Variants in MSH3 observed in about 807,000 individuals in gnomAD.
MSH3 encodes the protein DNA mismatch repair protein Msh3.
A neutral mutation model predicts 123.3 loss-of-function variants in MSH3; 106 were observed. That is an observed-to-expected ratio of 0.86 (90% CI 0.73 to 1.01). MSH3 has a LOEUF of 1.01. Ranked by LOEUF, MSH3 falls within the 50% of genes least tolerant of loss-of-function variation. The pLI, the probability that MSH3 is intolerant of heterozygous loss-of-function variation, is 0.00. For synonymous variants in MSH3, 515 were observed against 481.4 expected, an observed-to-expected ratio of 1.07 and a Z score of -0.91; for missense variants, 1,459 against 1,347.6, an observed-to-expected ratio of 1.08 and a Z score of -1.29.
intron 2 of MSH3, among the ~76,000 whole-genome samples, chr5:80,664,187 T>C (rs1483628138): frequency 1.9e-4 from 29 of 152,196 alleles, no homozygotes; most frequent in Admixed American, 1.8e-3. Flanking sequence ...GATTTTAAGC[T>C]GTGAAAATTA....
Position 80,678,979 on chromosome 5 carries a change from C to A in MSH3, c.1226C>A (p.Ala409Asp), listed in dbSNP as rs2112819022. 1 of 1,614,172 alleles carries A rather than the reference C, an allele frequency of 6.2e-7. No homozygotes were observed. The highest frequency in any genetic ancestry group is 1.1e-5 in the South Asian group (1 of 91,076). ...GTGTTTGATAGTTTCCAGGACTCTG[C>A]TTCTCGTTCAGAGCTAGAAACCCGG... ...EVVFDSFQDS[A>D]SRSELETRMS... Residue 409 changes from alanine to aspartate, a missense_variant, in exon 8 of 24, where the codon GCT (alanine) becomes GAT (aspartate). Coordinates refer to ENST00000265081, the MANE Select transcript of MSH3 (RefSeq NM_002439.5).
In MSH3 at chr5:80,665,202, T is replaced by G. The variant is rs1749541254; in HGVS notation, c.418T>G (p.Phe140Val). Residue 140 changes from phenylalanine (F) to valine (V), a missense_variant, in exon 3 of 24, where the codon TTC becomes GTC. Coordinates refer to ENST00000265081, the MANE Select transcript of MSH3 (RefSeq NM_002439.5). The part of the protein sequence containing the change: ...VSKSLEKLKE[F>V]CCDSALPQSR... ...AAAGTCTCTGGAAAAATTGAAAGAA[T>G]TCTGCTGCGATTCTGCCCTTCCTCA... 4 of 1,614,122 alleles carry G rather than the reference T, an allele frequency of 2.5e-6. No individual in the cohort carries two copies. Among genetic ancestry groups the G allele is most frequent in the Non-Finnish European group, 3.4e-6 (4 of 1,179,992 alleles).
At position 80,745,016 on chromosome 5, in the gene MSH3, A is replaced by G. The variant is rs936869441; in HGVS notation, c.1763+401A>G. Among the ~76,000 whole-genome samples the G allele has an allele frequency of 4.6e-5, 7 of 152,190 alleles. No individual in the cohort carries two copies. In the East Asian group the frequency reaches 1.3e-3, roughly 29 times the overall value. ...GTGGTGGGATCAAGTTAGCAAGTTCATGGAGAGGTGCCCAGGACCTGAGCT... is the reference window on the plus strand; with the variant it reads ...GTGGTGGGATCAAGTTAGCAAGTTCGTGGAGAGGTGCCCAGGACCTGAGCT... On this transcript the variant is annotated intron_variant, in intron 12 of 23. Transcript: ENST00000265081.
intron 12 of MSH3, among the ~76,000 whole-genome samples, chr5:80,755,610 A>G (rs1029501585): frequency 2.0e-5 from 3 of 152,194 alleles, no homozygotes; most frequent in African/African-American, 4.8e-5. Flanking sequence ...TCCCTTTAGG[A>G]CATTGCTGAA....
At chr5:80,796,556 G>C (rs1357296088) in intron 19 of MSH3, among the ~76,000 whole-genome samples, 1 of 151,744 alleles carries the variant, frequency 6.6e-6, no homozygotes, top group African/African-American at 2.4e-5. Context: ...ATATTTTATG[G>C]ATGTTAATTA....
At chr5:80,701,093 A>C (rs1750599851) in intron 8 of MSH3, among the ~76,000 whole-genome samples, 1 of 152,224 alleles carries the variant, frequency 6.6e-6, no homozygotes, top group Admixed American at 6.5e-5. Flanking sequence ...AATATATTAA[A>C]AGTGCTTTTA....
At chr5:80,859,846 G>A (rs1031228501) in intron 21 of MSH3, among the ~76,000 whole-genome samples, 1 of 151,588 alleles carries the variant, frequency 6.6e-6, no homozygotes, top group African/African-American at 2.4e-5. Flanking sequence ...CCAGGTAGCT[G>A]GGAGTACAGG....
chr5:80,718,723 C>G (rs992690368), intron 8 of MSH3, among the ~76,000 whole-genome samples: 1 of 151,498 alleles, frequency 6.6e-6, no homozygotes. Context: ...ATAATTATCT[C>G]TCTTTTTGTG....
In MSH3 at chr5:80,656,425, CAG is replaced by C. The variant is rs1391355304; in HGVS notation, c.254_255del (p.Arg85LysfsTer9). On this transcript the variant is annotated frameshift_variant, in exon 2 of 24. Transcript: ENST00000265081. LOFTEE classifies it high-confidence loss of function. ...LPPHIATEID[R>X]RKKRPLENDG... is the part of the protein sequence containing the mutation. ...TCCCGATATAGGCTACAGAAATTGA[CAG>C]AAGAAAGAAGAGACCATTGGAAAAT... The C allele has an allele frequency of 1.2e-6, 2 of 1,614,000 alleles. No individual in the cohort carries two copies. Among genetic ancestry groups the C allele is most frequent in the East Asian group, 4.5e-5 (2 of 44,864 alleles).
chr5:80,712,349 TAA>T (rs1468677491), intron 8 of MSH3, among the ~76,000 whole-genome samples: 5 of 152,242 alleles, frequency 3.3e-5, no homozygotes, highest in African/African-American at 1.2e-4. Context: ...GATTATGAGG[TAA>T]AGAGTTTCTT....
intron 10 of MSH3, among the ~76,000 whole-genome samples, chr5:80,738,777 C>T (rs995865792): frequency 1.3e-5 from 2 of 152,218 alleles, no homozygotes; most frequent in Admixed American, 6.5e-5. Context: ...TCAAAATTCA[C>T]ATGTTGAAAC....
rs564303357 is a variant in MSH3 at position 80,728,283 on chromosome 5, T to TG, written c.1454-567dup. ...GCAGTGAGACCAGATGGAAAGCTGT[T>TG]GCAGTGTTTGTGGTGAGACATGAAA... On this transcript the variant is annotated intron_variant, in intron 9 of 23. Coordinates refer to ENST00000265081, the MANE Select transcript of MSH3 (RefSeq NM_002439.5). Among the ~76,000 whole-genome samples, 11 of 152,326 alleles carry TG rather than the reference T, an allele frequency of 7.2e-5. No individual in the cohort carries two copies. The South Asian group carries it at 2.1e-3, about 29-fold the overall frequency.
chr5:80,752,977 T>G (rs574940962), intron 12 of MSH3, among the ~76,000 whole-genome samples: 2 of 152,260 alleles, frequency 1.3e-5, no homozygotes, highest in South Asian at 4.1e-4. Context: ...ACATAGGCAG[T>G]CAAGACAATA....
intron 20 of MSH3, among the ~76,000 whole-genome samples, chr5:80,838,351 G>A (rs1745555447): frequency 6.6e-6 from 1 of 152,122 alleles, no homozygotes; most frequent in Non-Finnish European, 1.5e-5. Flanking sequence ...CTGACTCCAT[G>A]ACTGACTATC....
At chr5:80,854,084 T>C in intron 20 of MSH3, 46 bp from the exon 21 acceptor site, 4 of 1,477,736 alleles carry the variant, frequency 2.7e-6, no homozygotes, top group Non-Finnish European at 3.8e-6. Context: ...GGCTTCCTAA[T>C]AAGAAAGTGA....
At chr5:80,668,596 G>T (rs1290462346) in intron 3 of MSH3, among the ~76,000 whole-genome samples, 1 of 152,206 alleles carries the variant, frequency 6.6e-6, no homozygotes, top group Non-Finnish European at 1.5e-5. Flanking sequence ...CCTAGGCTTG[G>T]CCTTAACTTT....
At chr5:80,807,468 CAG>C (rs1416170881) in intron 19 of MSH3, among the ~76,000 whole-genome samples, 2 of 152,096 alleles carry the variant, frequency 1.3e-5, no homozygotes, top group African/African-American at 4.8e-5. Flanking sequence ...CAGGGAGTGA[CAG>C]AGGTCATAGT....
intron 21 of MSH3, among the ~76,000 whole-genome samples, 184 bp from the exon 22 acceptor site, chr5:80,864,629 A>T (rs530808887): frequency 3.6e-4 from 55 of 152,286 alleles, no homozygotes; most frequent in Non-Finnish European, 6.5e-4. Flanking sequence ...GAGGAAGAAG[A>T]AGGGAAATAT....
chr5:80,742,289 C>T (rs753552077), intron 11 of MSH3, among the ~76,000 whole-genome samples: 19 of 152,166 alleles, frequency 1.2e-4, no homozygotes, highest in Non-Finnish European at 2.6e-4. Flanking sequence ...GGATTACAGG[C>T]GTAAGCAAAC....
Sources: gnomAD v4.1 joint callset for allele counts (sites outside exome capture counted in the v4.1 genomes callset) on GRCh38, gnomAD v4.1.1 for gene constraint, MANE v1.5 for transcripts, NCBI Gene and HGNC (gene_info 2026-07-23, HGNC 2026-07-21) for gene names.